The following IL1RAPL2 variants were observed in gnomAD, a reference collection of about 807,000 sequenced individuals.
The protein encoded by IL1RAPL2 is X-linked interleukin-1 receptor accessory protein-like 2.
In IL1RAPL2, 3 loss-of-function variants were observed where a neutral mutation model predicts 44.1. The ratio of observed to expected loss-of-function variants is 0.07; its 90% CI spans 0.03 to 0.18. IL1RAPL2 has a LOEUF of 0.18. Ranked by LOEUF, IL1RAPL2 falls within the 10% of genes least tolerant of loss-of-function variation. IL1RAPL2 has a pLI of 1.00. For synonymous variants in IL1RAPL2, 181 were observed against 178.8 expected, an observed-to-expected ratio of 1.01 and a Z score of -0.10; for missense variants, 391 against 496.4, an observed-to-expected ratio of 0.79 and a Z score of 2.02.
chrX:104,666,232 TAAC>T (rs1930486874), intron 2 of IL1RAPL2, among the ~76,000 whole-genome samples: 1 of 111,634 alleles, frequency 9.0e-6, no homozygotes, highest in Non-Finnish European at 1.9e-5. Context: ...GAATGTGAGT[TAAC>T]AACTAAGTTC....
chrX:105,468,072 A>G (rs887933154), intron 5 of IL1RAPL2, among the ~76,000 whole-genome samples: 1 of 111,925 alleles, frequency 8.9e-6, no homozygotes, highest in Non-Finnish European at 1.9e-5. Flanking sequence ...AATGGTTGAG[A>G]TATGACAGAA....
chrX:104,585,400 TA>T (rs1347218732), intron 1 of IL1RAPL2, among the ~76,000 whole-genome samples: 3 of 25,818 alleles, frequency 1.2e-4, no homozygotes, highest in African/African-American at 3.7e-4. Flanking sequence ...ATATAATATA[TA>T]ATATATATAT....
intron 2 of IL1RAPL2, among the ~76,000 whole-genome samples, chrX:105,100,189 A>G (rs1716955745): frequency 8.9e-6 from 1 of 112,066 alleles, no homozygotes; most frequent in African/African-American, 3.2e-5. Context: ...TGTAGACGAA[A>G]AACATAGTAT....
chrX:105,447,596 T>G (rs1284697195), intron 5 of IL1RAPL2, among the ~76,000 whole-genome samples: 5 of 66,175 alleles, frequency 7.6e-5, no homozygotes, highest in African/African-American at 3.1e-4. Context: ...TATATAAATA[T>G]AAATAAATAT....
Position 105,535,732 on chromosome X carries a change from T to C in IL1RAPL2, c.772+51345T>C, listed in dbSNP as rs772125619. On this transcript the variant is annotated intron_variant, in intron 6 of 10. Transcript: ENST00000372582. ...TCCACGGCATTCTCAAAAATATAAATTGATGGTGATAAAAAGCAGACAAGC... is the reference window on the plus strand; with the variant it reads ...TCCACGGCATTCTCAAAAATATAAACTGATGGTGATAAAAAGCAGACAAGC... Among the ~76,000 whole-genome samples, 118 of 111,298 alleles carry C rather than the reference T, an allele frequency of 1.1e-3. 1 individual carries two copies. The highest frequency in any genetic ancestry group is 3.7e-3 in the African/African-American group (113 of 30,674).
rs1922676447 is a variant in IL1RAPL2, at chrX:104,868,416, T to A, written c.82+209421T>A. On this transcript the variant is annotated intron_variant, in intron 2 of 10. Transcript: ENST00000372582. ...TCCCTCTTTAGGGTATTAAATTACC[T>A]GTATCTGCTCTGAAAAATACCGACG... 2.7e-5 allele frequency among the ~76,000 whole-genome samples: 3 copies of A among 111,995 alleles called. No individual in the cohort carries two copies. The Admixed American group carries it at 2.8e-4, about 11-fold the overall frequency.
chrX:104,750,822 C>CT (rs1422527041), intron 2 of IL1RAPL2, among the ~76,000 whole-genome samples: 1 of 110,606 alleles, frequency 9.0e-6, no homozygotes, highest in African/African-American at 3.3e-5. Flanking sequence ...TGGCTTTCTT[C>CT]TTTTTTGGAA....
intron 2 of IL1RAPL2, among the ~76,000 whole-genome samples, chrX:105,114,674 G>A (rs1442249761): frequency 9.0e-6 from 1 of 111,681 alleles, no homozygotes; most frequent in Non-Finnish European, 1.9e-5. Flanking sequence ...TTTACTAATG[G>A]CTAGGCTGGG....
At chrX:104,958,130 C>T (rs1352121791) in intron 2 of IL1RAPL2, among the ~76,000 whole-genome samples, 1 of 111,279 alleles carries the variant, frequency 9.0e-6, no homozygotes, top group East Asian at 2.8e-4. Context: ...TCTTCTGTCA[C>T]TATCTTGAAA....
chrX:104,754,830 A>G (rs1435107653), intron 2 of IL1RAPL2, among the ~76,000 whole-genome samples: 1 of 112,007 alleles, frequency 8.9e-6, no homozygotes, highest in Non-Finnish European at 1.9e-5. Context: ...GCAAAGGCAG[A>G]TTACTTTCAA....
intron 1 of IL1RAPL2, among the ~76,000 whole-genome samples, chrX:104,609,780 G>T (rs890100256): frequency 9.0e-6 from 1 of 111,447 alleles, no homozygotes; most frequent in African/African-American, 3.3e-5. Context: ...TAGCTTCCTT[G>T]CCATGGGTTA....
chrX:104,798,212 C>T (rs12847892), intron 2 of IL1RAPL2, among the ~76,000 whole-genome samples: 1 of 111,587 alleles, frequency 9.0e-6, no homozygotes, highest in African/African-American at 3.3e-5. Context: ...AGCTAAGACT[C>T]TAAGGCATTC....
intron 5 of IL1RAPL2, among the ~76,000 whole-genome samples, chrX:105,324,745 T>A (rs996897627): frequency 1.8e-5 from 2 of 112,295 alleles, no homozygotes; most frequent in Non-Finnish European, 3.8e-5. Context: ...GTTTTCAGAA[T>A]TCACACCTAA....
chrX:105,227,740 T>C (rs1962489246), intron 3 of IL1RAPL2, among the ~76,000 whole-genome samples: 1 of 112,239 alleles, frequency 8.9e-6, no homozygotes, highest in African/African-American at 3.2e-5. Flanking sequence ...TTTGCAGTTT[T>C]ATGTAATTAT....
At chrX:104,966,131 G>A (rs1288912963) in intron 2 of IL1RAPL2, among the ~76,000 whole-genome samples, 2 of 110,645 alleles carry the variant, frequency 1.8e-5, no homozygotes, top group East Asian at 2.8e-4. Context: ...AAGCAAGAAA[G>A]AATATAAATT....
At chrX:104,698,668 A>G (rs759464683) in intron 2 of IL1RAPL2, among the ~76,000 whole-genome samples, 4 of 112,320 alleles carry the variant, frequency 3.6e-5, no homozygotes, top group Non-Finnish European at 7.5e-5. Flanking sequence ...TGGAACAAGT[A>G]CAAATTTAAT....
chrX:105,176,902 C>T (rs760039426), intron 2 of IL1RAPL2, among the ~76,000 whole-genome samples: 2 of 111,615 alleles, frequency 1.8e-5, no homozygotes, highest in East Asian at 2.8e-4. Context: ...TTTGTCCAAT[C>T]AGATCTGGAA....
intron 2 of IL1RAPL2, among the ~76,000 whole-genome samples, chrX:104,761,061 G>C (rs2147589665): frequency 9.0e-6 from 1 of 111,377 alleles, no homozygotes; most frequent in Admixed American, 9.6e-5. Context: ...TGTGTTCTTG[G>C]CATCTTTGTC....
Position 105,325,086 on chromosome X carries a change from C to T in IL1RAPL2, c.697+57545C>T, listed in dbSNP as rs2034925673. ...TAACATTTGTTTCAAGTGTACAGTT[C>T]AGTGGGTTTTTGTAAATTTTGTAAA... On this transcript the variant is annotated intron_variant, in intron 5 of 10. Coordinates refer to ENST00000372582, the MANE Select transcript of IL1RAPL2 (RefSeq NM_017416.2). Among the ~76,000 whole-genome samples, 8 of 111,513 alleles carry T rather than the reference C, an allele frequency of 7.2e-5. No individual in the cohort carries two copies. The Admixed American group carries it at 7.6e-4, about 11-fold the overall frequency.
Sources: allele counts gnomAD v4.1 joint callset (sites outside exome capture counted in the v4.1 genomes callset), GRCh38; gene constraint gnomAD v4.1.1; transcripts MANE v1.5; gene names NCBI Gene and HGNC (gene_info 2026-07-23, HGNC 2026-07-21).